The following NAV1 variants were observed in gnomAD, a reference collection of about 807,000 sequenced individuals.
NAV1 encodes the protein pore membrane and/or filament interacting like protein 3.
NAV1 carries 18 observed loss-of-function variants against 175.2 expected under a neutral mutation model. The observed-to-expected ratio is 0.10, with a 90% CI of 0.07 to 0.15. NAV1 has a LOEUF of 0.15. NAV1 is among the 10% of genes least tolerant of loss of function. The pLI is 1.00. For missense variants in NAV1, 1,731 were observed against 2,436.6 expected, an observed-to-expected ratio of 0.71 and a Z score of 6.10; for synonymous variants, 897 against 978.7, an observed-to-expected ratio of 0.92 and a Z score of 1.56.
In NAV1 at chr1:201,782,100, T is replaced by A; in HGVS notation, c.1664-76T>A. The A allele has an allele frequency of 7.7e-7, 1 of 1,303,530 alleles. No homozygotes were observed. The highest frequency in any genetic ancestry group is 1.1e-6 in the Non-Finnish European group (1 of 946,334). The allele number at this position is 1,303,530 out of a possible 1,614,324, so 80.7% of individuals were successfully genotyped here. ...ACATGGACAATGTTCCCTTCTCCCATGGAGGGAAAGAAAAGGGTGGGTTTT... is the reference window on the plus strand; with the variant it reads ...ACATGGACAATGTTCCCTTCTCCCAAGGAGGGAAAGAAAAGGGTGGGTTTT... On this transcript the variant is annotated intron_variant, in intron 5 of 29. Coordinates refer to ENST00000367296, the Ensembl canonical transcript of NAV1. This position sits in a 1 kb window ranked among gnomAD's most constrained non-coding sequence, Gnocchi z 5.4.
rs1678469847 is a variant in NAV1, at chr1:201,808,616, T to C, written c.4038+6T>C. The C allele has an allele frequency of 6.2e-7, 1 of 1,614,126 alleles. No individual in the cohort carries two copies. Among genetic ancestry groups the C allele is most frequent in the Admixed American group, 1.7e-5 (1 of 60,014 alleles). On this transcript the variant is annotated splice_donor_region_variant and intron_variant, in intron 19 of 29. Coordinates refer to ENST00000367296, the Ensembl canonical transcript of NAV1. This position sits in a 1 kb window ranked among gnomAD's most constrained non-coding sequence, Gnocchi z 5.5. The stretch of plus-strand genomic sequence containing the variant: ...AGACCATGCACAACATGCAGGTCAG[T>C]GTCTGGGCGGACAGCTGCAGGAAAG...
At chr1:201,649,146 C>T in exon 1 of NAV1, 1 of 1,611,974 alleles carries the variant, frequency 6.2e-7, no homozygotes, top group Non-Finnish European at 8.5e-7. Flanking sequence ...CGCCAAGACC[C>T]CCCTGGCTCC....
intron 29 of NAV1, among the ~76,000 whole-genome samples, chr1:201,817,893 GTATCTAAAA>G (rs1316058131): frequency 6.6e-6 from 1 of 152,022 alleles, no homozygotes; most frequent in Non-Finnish European, 1.5e-5. Context: ...AAAAAGACTG[GTATCTAAAA>G]TATCTAAAAT....
At chr1:201,608,524 C>T (rs531859601) in intron 2 of NAV1, among the ~76,000 whole-genome samples, 29 of 152,326 alleles carry the variant, frequency 1.9e-4, no homozygotes, top group African/African-American at 7.0e-4. Flanking sequence ...GCACCGAGTA[C>T]AGGCAGAACG....
intron 2 of NAV1, among the ~76,000 whole-genome samples, chr1:201,590,949 G>T (rs1667174259): frequency 6.6e-6 from 1 of 152,148 alleles, no homozygotes; most frequent in Admixed American, 6.6e-5. Context: ...GGTGCTCCTT[G>T]CCTCTTCTCT....
At chr1:201,635,626 C>T (rs1349268269) in intron 2 of NAV1, among the ~76,000 whole-genome samples, 1 of 152,196 alleles carries the variant, frequency 6.6e-6, no homozygotes, top group African/African-American at 2.4e-5. Flanking sequence ...CTGTGGGCCA[C>T]CCCCCTTCGC....
intron 2 of NAV1, among the ~76,000 whole-genome samples, chr1:201,633,878 C>T (rs1668544078): frequency 6.6e-6 from 1 of 152,146 alleles, no homozygotes; most frequent in African/African-American, 2.4e-5. Flanking sequence ...CTTGGGAGTG[C>T]GAGGGTCTCT....
chr1:201,542,841 G>T (rs1665553835), intron 1 of NAV1, among the ~76,000 whole-genome samples: 2 of 152,188 alleles, frequency 1.3e-5, no homozygotes, highest in Non-Finnish European at 2.9e-5. Flanking sequence ...CACTTCAAAA[G>T]ACTGCAAGAC....
chr1:201,782,874 C>G lies in NAV1; in HGVS notation c.2357+5C>G. ...GCTGCCACCAACCCCTCTCAGGTAC[C>G]CAATGTGGGCAGCCGCCTCCTTGTC... is the stretch of plus-strand genomic sequence containing the variant. On this transcript the variant is annotated splice_donor_5th_base_variant and intron_variant, in intron 6 of 29. Coordinates refer to ENST00000367296, the Ensembl canonical transcript of NAV1. The surrounding 1 kb of genome is among the most constrained non-coding windows in gnomAD (Gnocchi z 5.4). The G allele has an allele frequency of 3.8e-6, 6 of 1,559,454 alleles. No homozygotes were observed. The highest frequency in any genetic ancestry group is 5.2e-6 in the Non-Finnish European group (6 of 1,154,078).
At position 201,660,035 on chromosome 1, in the gene NAV1, G is replaced by A. The variant is rs576860515; in HGVS notation, c.757+10610G>A. Reference sequence around the variant, plus strand: ...CTAGAGTTCACAGGTTGCCATGGGTGTAGGTACTGTCCTGCTGTCTTCATG... The same window carrying A: ...CTAGAGTTCACAGGTTGCCATGGGTATAGGTACTGTCCTGCTGTCTTCATG... On this transcript the variant is annotated intron_variant, in intron 1 of 29. Coordinates refer to ENST00000367296, the Ensembl canonical transcript of NAV1. 1.6e-3 allele frequency among the ~76,000 whole-genome samples: 243 copies of A among 152,308 alleles called. 2 individuals are homozygous for A. Among genetic ancestry groups the A allele is most frequent in the African/African-American group, 5.6e-3 (233 of 41,562 alleles).
chr1:201,634,523 C>A (rs184766693), intron 2 of NAV1, among the ~76,000 whole-genome samples: 1 of 152,236 alleles, frequency 6.6e-6, no homozygotes, highest in East Asian at 1.9e-4. Context: ...ACCAGCCTGG[C>A]TCTGGGAGGG....
At chr1:201,724,461 G>C (rs1190681349) in intron 3 of NAV1, 1 of 152,274 alleles carries the variant, frequency 6.6e-6, no homozygotes, top group Non-Finnish European at 1.5e-5. Context: ...CTCTCAATGT[G>C]TCCATTTTTG....
At position 201,602,204 on chromosome 1, in the gene NAV1, T is replaced by G. The variant is rs150574757; in HGVS notation, c.-33+13555T>G. Among the ~76,000 whole-genome samples the G allele has an allele frequency of 3.3e-5, 5 of 152,364 alleles. No homozygotes were observed. In the East Asian group the frequency reaches 9.6e-4, roughly 29 times the overall value. ...TCCTAAAGTCTTTCCTAAGTCTTTCTTGCTGCTGCAGTTTCAAGCTCTTTT... is the reference window on the plus strand; with the variant it reads ...TCCTAAAGTCTTTCCTAAGTCTTTCGTGCTGCTGCAGTTTCAAGCTCTTTT... On this transcript the variant is annotated intron_variant, in intron 2 of 33. Transcript: ENST00000685211.
At chr1:201,687,926 C>A (rs1221651105) in intron 1 of NAV1, among the ~76,000 whole-genome samples, 3 of 152,228 alleles carry the variant, frequency 2.0e-5, no homozygotes, top group Non-Finnish European at 4.4e-5. Flanking sequence ...GCAGTGTCAT[C>A]CCAAACACGC....
chr1:201,769,293 C>G (rs972150256), intron 3 of NAV1, among the ~76,000 whole-genome samples: 1 of 152,186 alleles, frequency 6.6e-6, no homozygotes, highest in Non-Finnish European at 1.5e-5. Context: ...ATTTGCTAGC[C>G]TCCTACTTAT....
intron 1 of NAV1, among the ~76,000 whole-genome samples, chr1:201,577,186 T>G (rs957335922): frequency 6.6e-6 from 1 of 152,224 alleles, no homozygotes; most frequent in Non-Finnish European, 1.5e-5. Context: ...TTCTGTATTA[T>G]AAGTGCTGGT....
At chr1:201,819,730 C>T in intron 29 of NAV1, 107 bp from the exon 34 acceptor site, 1 of 899,656 alleles carries the variant, frequency 1.1e-6, no homozygotes, top group East Asian at 2.4e-5. Flanking sequence ...AGCTATCCTT[C>T]CACCTTGGCC....
chr1:201,780,639 C>T, intron 4 of NAV1, 80 bp downstream of exon 8: 7 of 1,561,928 alleles, frequency 4.5e-6, no homozygotes, highest in Non-Finnish European at 5.3e-6. Context: ...TATGGGGTTG[C>T]ACGTACACAC....
At chr1:201,566,136 C>CCATCTGATGGTGACGGA in intron 1 of NAV1, among the ~76,000 whole-genome samples, 1 of 152,138 alleles carries the variant, frequency 6.6e-6, no homozygotes, top group Non-Finnish European at 1.5e-5. Flanking sequence ...AGTTTCCTCC[C>CCATCTGATGGTGACGGA]GACACATACA....
Sources: gnomAD v4.1 joint callset for allele counts (sites outside exome capture counted in the v4.1 genomes callset) on GRCh38, gnomAD v4.1.1 for gene constraint, Gnocchi (gnomAD v3.1) non-coding constraint, MANE v1.5 for transcripts, NCBI Gene and HGNC (gene_info 2026-07-23, HGNC 2026-07-21) for gene names.